The following ADAMTS20 variants were observed in gnomAD, a reference collection of about 807,000 sequenced individuals.
ADAMTS20 encodes the protein A disintegrin and metalloproteinase with thrombospondin motifs 20.
Under a neutral mutation model 260.1 loss-of-function variants are expected in ADAMTS20, and 225 were observed. That is an observed-to-expected ratio of 0.87 (90% CI 0.78 to 0.97). ADAMTS20 has a LOEUF of 0.97. Among genes scored for constraint, ADAMTS20 ranks in the 50% least tolerant of loss-of-function variants. The pLI is 0.00. For missense variants in ADAMTS20, 2,400 were observed against 2,337.7 expected, an observed-to-expected ratio of 1.03 and a Z score of -0.55; for synonymous variants, 802 against 769.5, an observed-to-expected ratio of 1.04 and a Z score of -0.70.
intron 31 of ADAMTS20, among the ~76,000 whole-genome samples, chr12:43,378,651 T>G (rs1181042518): frequency 6.6e-6 from 1 of 152,106 alleles, no homozygotes; most frequent in African/African-American, 2.4e-5. Context: ...AAATATCTAG[T>G]CAGCAAAAAG....
chr12:43,375,662 G>T, intron 35 of ADAMTS20, 150 bp from the exon 36 acceptor site: 1 of 828,994 alleles, frequency 1.2e-6, no homozygotes, highest in South Asian at 1.7e-5. Flanking sequence ...AATCACTTAA[G>T]GTGAACATAC....
intron 28 of ADAMTS20, among the ~76,000 whole-genome samples, chr12:43,422,334 TAGTC>T (rs2137290367): frequency 6.6e-6 from 1 of 152,092 alleles, no homozygotes; most frequent in South Asian, 2.1e-4. Context: ...ATTTTCTACT[TAGTC>T]AACAGGATCT....
intron 38 of ADAMTS20, among the ~76,000 whole-genome samples, chr12:43,354,681 T>C (rs565875393): frequency 6.6e-6 from 1 of 152,250 alleles, no homozygotes; most frequent in African/African-American, 2.4e-5. Context: ...CATAATTTTA[T>C]ATAATAATCT....
rs766192342 is a variant in ADAMTS20, at chr12:43,552,191, G to A, written c.-270C>T. Among the ~76,000 whole-genome samples, 1 of 152,186 alleles carries A rather than the reference G, an allele frequency of 6.6e-6. No homozygotes were observed. Among genetic ancestry groups the A allele is most frequent in the Non-Finnish European group, 1.5e-5 (1 of 68,034 alleles). On this transcript the variant is annotated 5_prime_UTR_variant, in exon 1 of 39. Coordinates refer to ENST00000389420, the MANE Select transcript of ADAMTS20 (RefSeq NM_025003.5). Reference sequence around the variant, plus strand: ...GAAACTCTCTGCTCAGGTTCAGCTCGGCGCGGGGAAGCAACTCGACCTAGC... The same window carrying A: ...GAAACTCTCTGCTCAGGTTCAGCTCAGCGCGGGGAAGCAACTCGACCTAGC...
intron 37 of ADAMTS20, among the ~76,000 whole-genome samples, chr12:43,358,092 A>G (rs1939782703): frequency 6.6e-6 from 1 of 152,216 alleles, no homozygotes; most frequent in Non-Finnish European, 1.5e-5. Context: ...ATTTCTTGTA[A>G]CCAGATGCTC....
rs1056014180 is a variant in ADAMTS20 at position 43,434,100 on chromosome 12, T to A, written c.2720+145A>T. 1.4e-5 allele frequency: 12 copies of A among 871,006 alleles called. No homozygotes were observed. The East Asian group carries it at 3.2e-4, about 24-fold the overall frequency. 54.0% of individuals were successfully genotyped at this position (871,006 alleles called of 1,614,324 possible). ...ATCAATTATGTACTGAGTTTTACCA[T>A]AAAATAGTGAGCCTGAAATTTTTTC... On this transcript the variant is annotated intron_variant, in intron 19 of 38. Transcript: ENST00000389420.
At position 43,416,524 on chromosome 12, in the gene ADAMTS20, CT is replaced by C. The variant is rs59341765; in HGVS notation, c.4284+8989del. ...GTCATTACAAACAAGTCAAACTGAC[CT>C]TTTTTTTTTTTTTTTTGAGACGGAG... On this transcript the variant is annotated intron_variant, in intron 28 of 38. Coordinates refer to ENST00000389420, the MANE Select transcript of ADAMTS20 (RefSeq NM_025003.5). Among the ~76,000 whole-genome samples, 1,003 of 130,654 alleles carry C rather than the reference CT, an allele frequency of 7.7e-3. 4 individuals carry two copies. Among genetic ancestry groups the C allele is most frequent in the South Asian group, 0.028 (115 of 4,036 alleles). 85.7% of individuals were successfully genotyped at this position (130,654 alleles called of 152,430 possible).
At chr12:43,455,885 T>C (rs936909193) in intron 11 of ADAMTS20, among the ~76,000 whole-genome samples, 6 of 152,112 alleles carry the variant, frequency 3.9e-5, no homozygotes, top group African/African-American at 1.4e-4. Flanking sequence ...ATTTTTGTAT[T>C]TTTAGTAGAG....
At chr12:43,401,445 T>G (rs1940807475) in intron 28 of ADAMTS20, among the ~76,000 whole-genome samples, 1 of 151,954 alleles carries the variant, frequency 6.6e-6, no homozygotes, top group Non-Finnish European at 1.5e-5. Context: ...TTCCAAATTC[T>G]AATTAAGAAT....
At chr12:43,550,878 A>G in intron 2 of ADAMTS20, 31 bp downstream of exon 2, 1 of 1,498,950 alleles carries the variant, frequency 6.7e-7, no homozygotes, top group Non-Finnish European at 8.9e-7. Flanking sequence ...CTGGATCCCA[A>G]GAAAATGCCA....
intron 29 of ADAMTS20, among the ~76,000 whole-genome samples, chr12:43,384,297 T>C (rs1177160343): frequency 3.3e-5 from 5 of 152,190 alleles, no homozygotes; most frequent in African/African-American, 1.2e-4. Flanking sequence ...CAATTAATCA[T>C]GAATTATTCC....
chr12:43,414,547 T>G (rs1941093675), intron 28 of ADAMTS20, among the ~76,000 whole-genome samples: 1 of 152,108 alleles, frequency 6.6e-6, no homozygotes, highest in Admixed American at 6.6e-5. Context: ...GACAAAAGAC[T>G]TCCATAGGTG....
At chr12:43,470,697 A>G (rs1942239731) in intron 7 of ADAMTS20, among the ~76,000 whole-genome samples, 1 of 152,190 alleles carries the variant, frequency 6.6e-6, no homozygotes, top group South Asian at 2.1e-4. Flanking sequence ...TCTGCAACAT[A>G]TTTTGCAAAA....
chr12:43,458,218 C>G (rs1188762878), intron 11 of ADAMTS20, among the ~76,000 whole-genome samples: 1 of 152,216 alleles, frequency 6.6e-6, no homozygotes, highest in Non-Finnish European at 1.5e-5. Flanking sequence ...AGGTGACAGA[C>G]AGATGGTTGC....
chr12:43,428,564 A>G (rs751120874), intron 25 of ADAMTS20, 33 bp from the exon 26 acceptor site: 2 of 1,531,460 alleles, frequency 1.3e-6, no homozygotes, highest in Admixed American at 4.0e-5. Flanking sequence ...GTAATATACA[A>G]CATTAATTTA....
chr12:43,509,227 A>T (rs1020603951), intron 3 of ADAMTS20, among the ~76,000 whole-genome samples: 3 of 152,084 alleles, frequency 2.0e-5, no homozygotes, highest in Non-Finnish European at 4.4e-5. Flanking sequence ...GTGTGCATTT[A>T]TCTTTATAAT....
At chr12:43,406,348 C>T (rs2137262933) in intron 28 of ADAMTS20, among the ~76,000 whole-genome samples, 1 of 152,040 alleles carries the variant, frequency 6.6e-6, no homozygotes, top group African/African-American at 2.4e-5. Flanking sequence ...TATGCATCTG[C>T]AGCAAAGTTA....
At chr12:43,481,010 A>G (rs1032682445) in intron 7 of ADAMTS20, among the ~76,000 whole-genome samples, 3 of 152,166 alleles carry the variant, frequency 2.0e-5, no homozygotes, top group African/African-American at 7.2e-5. Flanking sequence ...AATTAGCTTG[A>G]TTTAATCATT....
At chr12:43,503,167 C>A (rs542159255) in intron 3 of ADAMTS20, among the ~76,000 whole-genome samples, 19 of 152,176 alleles carry the variant, frequency 1.2e-4, no homozygotes, top group African/African-American at 4.6e-4. Context: ...ATAGGCTGCA[C>A]AGGTGCTTGT....
Sources: gnomAD v4.1 joint callset for allele counts (sites outside exome capture counted in the v4.1 genomes callset) on GRCh38, gnomAD v4.1.1 for gene constraint, MANE v1.5 for transcripts, NCBI Gene and HGNC (gene_info 2026-07-23, HGNC 2026-07-21) for gene names.